Variants in KLF12 observed in about 807,000 individuals in gnomAD.
KLF12 encodes KLF transcription factor 12, also known as Krueppel-like factor 12.
In KLF12, 9 loss-of-function variants were observed where a neutral mutation model predicts 37.8. That is an observed-to-expected ratio of 0.24 (90% confidence interval 0.14 to 0.42). The LOEUF (loss-of-function observed/expected upper bound fraction) is 0.42, where lower values mean the gene tolerates loss of function less well. Among genes scored for constraint, KLF12 ranks in the 10% least tolerant of loss-of-function variants. The pLI is 1.00. For missense variants in KLF12, 411 were observed against 516.0 expected (o/e 0.80, Z 1.97); for synonymous variants, 208 against 202.1 (o/e 1.03, Z -0.25).
chr13:73,915,075 A>C (rs1340197689), intron 3 of KLF12, among the ~76,000 whole-genome samples: 1 of 152,014 alleles, frequency 6.6e-6, no homozygotes, highest in Non-Finnish European at 1.5e-5. Context: ...CCAGGTGAAA[A>C]TCCATTCTTA....
At chr13:74,049,540 T>TA (rs1872776542) in intron 1 of KLF12, among the ~76,000 whole-genome samples, 1 of 152,190 alleles carries the variant, frequency 6.6e-6, no homozygotes, top group Non-Finnish European at 1.5e-5. Flanking sequence ...AAAAAAGTGT[T>TA]ATTCTCAGAA....
chr13:73,755,758 C>T (rs1179468893), intron 6 of KLF12, among the ~76,000 whole-genome samples: 1 of 151,836 alleles, frequency 6.6e-6, no homozygotes, highest in African/African-American at 2.4e-5. Context: ...ACCCCCCCAA[C>T]CCTTTCCCCC....
intron 5 of KLF12, among the ~76,000 whole-genome samples, chr13:73,783,401 C>T (rs9600169): frequency 0.35 from 52,538 of 151,754 alleles, 9,305 homozygotes; most frequent in East Asian, 0.52. Flanking sequence ...GAATAAGTTC[C>T]AGCGTTTGAT....
intron 1 of KLF12, among the ~76,000 whole-genome samples, chr13:74,109,946 G>A (rs1042959091): frequency 4.6e-5 from 7 of 152,150 alleles, no homozygotes; most frequent in African/African-American, 1.7e-4. Context: ...GAAGAATGAA[G>A]TGAGAATCAT....
Position 73,846,203 on chromosome 13 carries a change from G to A in KLF12, c.294C>T (p.Ser98=). The A allele has an allele frequency of 6.2e-7, 1 of 1,614,146 alleles. No individual in the cohort carries two copies. Among genetic ancestry groups the A allele is most frequent in the Non-Finnish European group, 8.5e-7 (1 of 1,180,028 alleles). The change falls in exon 4 of 8, where the codon TCC becomes TCT. Residue 98 remains serine (S), a synonymous_variant. Transcript: ENST00000377669. ...CAGATGCTGTCATGGAAACTGGGGA[G>A]GATGAAACGGCAGTAGGGGACGTCC...
chr13:74,159,264 A>T, the KLF12 span, among the ~76,000 whole-genome samples: 2 of 152,176 alleles, frequency 1.3e-5, no homozygotes, highest in Non-Finnish European at 2.9e-5. Flanking sequence ...ACCCTTCAGA[A>T]ATAACAACTT....
chr13:73,970,966 T>C lies in KLF12; in HGVS notation c.33+24024A>G, dbSNP rs139307492. Among the ~76,000 whole-genome samples the C allele has an allele frequency of 2.2e-4, 33 of 151,828 alleles. 1 individual carries two copies. In the East Asian group the frequency reaches 6.4e-3, roughly 29 times the overall value. ...TGCATCAGCTGCAAAGAAAAAAAAATGTTAACATTGACTGAGAGAAGGCAT... is the reference window on the plus strand; with the variant it reads ...TGCATCAGCTGCAAAGAAAAAAAAACGTTAACATTGACTGAGAGAAGGCAT... On this transcript the variant is annotated intron_variant, in intron 2 of 7. Coordinates refer to ENST00000377669, the MANE Select transcript of KLF12 (RefSeq NM_007249.5).
At chr13:74,173,640 C>T in the KLF12 span, among the ~76,000 whole-genome samples, 4 of 152,194 alleles carry the variant, frequency 2.6e-5, no homozygotes, top group African/African-American at 9.7e-5. Flanking sequence ...TGGATGAAGC[C>T]TGCACCACCC....
At position 73,812,654 on chromosome 13, in the gene KLF12, G is replaced by A. The variant is rs181119985; in HGVS notation, c.806+498C>T. Among the ~76,000 whole-genome samples the A allele has an allele frequency of 3.2e-3, 487 of 151,892 alleles. 2 individuals are homozygous for A. Among genetic ancestry groups the A allele is most frequent in the African/African-American group, 0.011 (471 of 41,394 alleles). ...TAAACGAGGGCTGAAATCTAACCCT[G>A]CGGTCCAGGTAAAAGGACAGAGAAA... is the stretch of plus-strand genomic sequence containing the variant. On this transcript the variant is annotated intron_variant, in intron 5 of 7. Transcript: ENST00000377669.
chr13:73,799,697 TG>T (rs917474725), intron 5 of KLF12, among the ~76,000 whole-genome samples: 41 of 152,276 alleles, frequency 2.7e-4, no homozygotes, highest in African/African-American at 7.2e-4. Context: ...AGAAGTCATT[TG>T]TTTTTCCCAA....
intron 3 of KLF12, among the ~76,000 whole-genome samples, chr13:73,891,013 A>G (rs983283155): frequency 6.6e-6 from 1 of 152,156 alleles, no homozygotes; most frequent in African/African-American, 2.4e-5. Context: ...AGAAGAAACC[A>G]GTCATTTTAC....
At chr13:74,305,663 G>T in the KLF12 span, among the ~76,000 whole-genome samples, 3 of 151,858 alleles carry the variant, frequency 2.0e-5, no homozygotes, top group African/African-American at 7.3e-5. Flanking sequence ...AATATTTTTC[G>T]TCTCCCCGAA....
At chr13:74,227,802 G>T in the KLF12 span, among the ~76,000 whole-genome samples, 1 of 152,032 alleles carries the variant, frequency 6.6e-6, no homozygotes, top group Non-Finnish European at 1.5e-5. Context: ...AGAAGTTCCC[G>T]ATTTCTCTGG....
intron 3 of KLF12, among the ~76,000 whole-genome samples, chr13:73,865,107 G>T (rs1386458920): frequency 6.6e-6 from 1 of 152,108 alleles, no homozygotes; most frequent in Non-Finnish European, 1.5e-5. Context: ...AGGTCAACTT[G>T]ATTGCCTAAA....
chr13:73,877,079 C>G (rs566525210), intron 3 of KLF12, among the ~76,000 whole-genome samples: 1 of 152,004 alleles, frequency 6.6e-6, no homozygotes, highest in South Asian at 2.1e-4. Flanking sequence ...CATTCTATTC[C>G]CATTCAATTT....
chr13:73,804,469 C>T (rs919016895), intron 5 of KLF12, among the ~76,000 whole-genome samples: 2 of 151,888 alleles, frequency 1.3e-5, no homozygotes, highest in African/African-American at 4.8e-5. Flanking sequence ...CACTGTCCCA[C>T]CACAGCAGAT....
At chr13:74,040,893 T>G (rs1434182577) in intron 1 of KLF12, among the ~76,000 whole-genome samples, 1 of 152,196 alleles carries the variant, frequency 6.6e-6, no homozygotes, top group Non-Finnish European at 1.5e-5. Context: ...GACATCATCT[T>G]TGACCCCTCC....
intron 5 of KLF12, among the ~76,000 whole-genome samples, chr13:73,808,168 CTGTTTT>C (rs1882745134): frequency 6.6e-6 from 1 of 152,008 alleles, no homozygotes. Flanking sequence ...GGTAATGACC[CTGTTTT>C]ATCATCAAGG....
chr13:74,044,277 A>G (rs1346432181), intron 1 of KLF12, among the ~76,000 whole-genome samples: 2 of 151,564 alleles, frequency 1.3e-5, no homozygotes, highest in Non-Finnish European at 2.9e-5. Context: ...GTAAAATGGG[A>G]TAATAAAAAT....
Sources: gnomAD v4.1 joint callset for allele counts (sites outside exome capture counted in the v4.1 genomes callset) on GRCh38, gnomAD v4.1.1 for gene constraint, MANE v1.5 for transcripts, NCBI Gene and HGNC (gene_info 2026-07-23, HGNC 2026-07-21) for gene names.